ACSF3: variants seen among roughly 807,000 people sequenced by gnomAD.
ACSF3 encodes acyl-CoA synthetase family member 3, also known as malonate--CoA ligase ACSF3, mitochondrial.
ACSF3 carries 78 observed loss-of-function variants against 53.2 expected under a neutral mutation model. That is an observed-to-expected ratio of 1.47 (90% CI 1.22 to 1.77). The LOEUF is 1.77. Among genes scored for constraint, ACSF3 ranks in the 40% most tolerant of loss-of-function variants. ACSF3 has a pLI of 0.00. For missense variants in ACSF3, 937 were observed against 771.1 expected (o/e 1.22, Z -2.55); for synonymous variants, 414 against 333.1 (o/e 1.24, Z -2.65).
intron 10 of ACSF3, chr16:89,150,737 C>A (rs1462057560): frequency 2.9e-6 from 1 of 344,134 alleles, no homozygotes; most frequent in Non-Finnish European, 5.7e-6. Flanking sequence ...CTCCGCCAGT[C>A]CTGCAGGAGC....
chr16:89,114,296 C>G, intron 5 of ACSF3, 43 bp from the exon 6 acceptor site: 1 of 1,612,378 alleles, frequency 6.2e-7, no homozygotes, highest in Non-Finnish European at 8.5e-7. Flanking sequence ...ACGCGAGAGC[C>G]ACGTCCCAAG....
Position 89,100,399 on chromosome 16 carries a change from A to G in ACSF3, c.-20-263A>G, listed in dbSNP as rs12449019. ...GCTTCTCCTTGGTTTTACCTAGTTT[A>G]TTTCATTGTTTAGAATTTTGTGTGG... On this transcript the variant is annotated intron_variant, in intron 2 of 10. Coordinates refer to ENST00000614302, the MANE Select transcript of ACSF3 (RefSeq NM_001243279.3). Among the ~76,000 whole-genome samples the G allele has an allele frequency of 0.72, 108,997 of 152,236 alleles. 39,700 individuals carry two copies. The highest frequency in any genetic ancestry group is 0.78 in the Non-Finnish European group (53,376 of 68,016).
At chr16:89,138,600 G>A in intron 8 of ACSF3, among the ~76,000 whole-genome samples, 1 of 152,246 alleles carries the variant, frequency 6.6e-6, no homozygotes, top group East Asian at 1.9e-4. Context: ...CAGCCAGGCT[G>A]TGCTGTGAAG....
At chr16:89,126,247 T>C (rs1486685440) in intron 7 of ACSF3, among the ~76,000 whole-genome samples, 1 of 152,170 alleles carries the variant, frequency 6.6e-6, no homozygotes, top group African/African-American at 2.4e-5. Context: ...CTATTGTAAG[T>C]ATGGCAGGTG....
chr16:89,101,872 GTGTAC>G (rs1386515681), intron 3 of ACSF3, among the ~76,000 whole-genome samples: 1 of 152,258 alleles, frequency 6.6e-6, no homozygotes, highest in Non-Finnish European at 1.5e-5. Flanking sequence ...AAGGCAGGAA[GTGTAC>G]CCCACGGAGT....
intron 8 of ACSF3, among the ~76,000 whole-genome samples, chr16:89,133,952 G>A (rs1446783213): frequency 6.6e-6 from 1 of 152,168 alleles, no homozygotes; most frequent in African/African-American, 2.4e-5. Context: ...CCCTGAGCCT[G>A]CCCTGAGCTG....
At chr16:89,109,661 C>T (rs1367785378) in intron 4 of ACSF3, among the ~76,000 whole-genome samples, 1 of 152,164 alleles carries the variant, frequency 6.6e-6, no homozygotes, top group Non-Finnish European at 1.5e-5. Flanking sequence ...ACCTGCCTGC[C>T]TCAGCCTCCC....
At chr16:89,116,820 C>T (rs2151463404) in intron 6 of ACSF3, among the ~76,000 whole-genome samples, 1 of 152,354 alleles carries the variant, frequency 6.6e-6, no homozygotes, top group African/African-American at 2.4e-5. Context: ...ACCTCCACCT[C>T]CGTCAGTGCT....
chr16:89,127,620 C>A (rs1908412393), intron 7 of ACSF3, among the ~76,000 whole-genome samples: 2 of 152,144 alleles, frequency 1.3e-5, no homozygotes, highest in African/African-American at 4.8e-5. Context: ...TCCCTCCTCG[C>A]CTCCCAAAGT....
At chr16:89,138,261 G>A (rs1911030066) in intron 8 of ACSF3, among the ~76,000 whole-genome samples, 1 of 152,220 alleles carries the variant, frequency 6.6e-6, no homozygotes, top group African/African-American at 2.4e-5. Context: ...GAGGTCAGGT[G>A]GGGGCACCTG....
At chr16:89,154,007 C>T (rs1034424307) in intron 10 of ACSF3, 83 bp from the exon 11 acceptor site, 3 of 1,429,740 alleles carry the variant, frequency 2.1e-6, no homozygotes, top group Non-Finnish European at 2.9e-6. Flanking sequence ...CCCAGGGGCA[C>T]CTGTCCGTAC....
intron 3 of ACSF3, among the ~76,000 whole-genome samples, chr16:89,101,606 G>A (rs756447737): frequency 5.3e-5 from 8 of 152,142 alleles, no homozygotes; most frequent in Non-Finnish European, 5.9e-5. Flanking sequence ...AGGACCATGC[G>A]GCATGAGGTC....
At chr16:89,098,808 G>C (rs759095896) in intron 2 of ACSF3, 45 bp downstream of exon 2, 3 of 454,068 alleles carry the variant, frequency 6.6e-6, no homozygotes, top group South Asian at 4.7e-5. Context: ...GTGCGAACAA[G>C]TGGTTGCCTT....
chr16:89,156,063 G>T lies in ACSF3; in HGVS notation c.*1856G>T, dbSNP rs1914671167. Among the ~76,000 whole-genome samples, 1 of 152,130 alleles carries T rather than the reference G, an allele frequency of 6.6e-6. No homozygotes were observed. Among genetic ancestry groups the T allele is most frequent in the South Asian group, 2.1e-4 (1 of 4,836 alleles). ...GTTGAATGCCGTGTTCTAAAGTCACGAGTGACTCTCCAGCTGGTCCCTGTG... is the reference window on the plus strand; with the variant it reads ...GTTGAATGCCGTGTTCTAAAGTCACTAGTGACTCTCCAGCTGGTCCCTGTG... On this transcript the variant is annotated 3_prime_UTR_variant, in exon 11 of 11. Coordinates refer to ENST00000614302, the MANE Select transcript of ACSF3 (RefSeq NM_001243279.3).
At position 89,154,581 on chromosome 16, in the gene ACSF3, G is replaced by A. The variant is rs1435140797; in HGVS notation, c.*374G>A. 2.2e-6 allele frequency: 1 copy of A among 461,004 alleles called. No homozygotes were observed. The highest frequency in any genetic ancestry group is 1.6e-5 in the South Asian group (1 of 64,508). 28.6% of individuals were successfully genotyped at this position (461,004 alleles called of 1,614,324 possible). A position where few individuals can be genotyped will look rare whatever the true frequency, so the allele number is the denominator to read the frequency against. ...CACAAAAAACAAAGACTCCACTGGA[G>A]GAAACAAGCCCCTGTCCCACGCCGT... On this transcript the variant is annotated 3_prime_UTR_variant, in exon 11 of 11. Coordinates refer to ENST00000614302, the MANE Select transcript of ACSF3 (RefSeq NM_001243279.3).
At chr16:89,131,274 G>C (rs55889568) in intron 7 of ACSF3, among the ~76,000 whole-genome samples, 7,839 of 150,902 alleles carry the variant, frequency 0.052, 257 homozygotes, top group East Asian at 0.14. Context: ...TACAAGCACT[G>C]ACCACCACAC....
chr16:89,140,966 C>T, intron 8 of ACSF3: 4 of 907,504 alleles, frequency 4.4e-6, no homozygotes, highest in Non-Finnish European at 4.5e-6. Flanking sequence ...ACATACACAG[C>T]CCATTGGCAG....
At chr16:89,106,832 G>C (rs1976044856) in intron 4 of ACSF3, among the ~76,000 whole-genome samples, 2 of 152,246 alleles carry the variant, frequency 1.3e-5, no homozygotes, top group Admixed American at 1.3e-4. Flanking sequence ...GTGTCTTCAA[G>C]TCATCCTGCA....
At chr16:89,148,438 C>T (rs1913513401) in intron 10 of ACSF3, 1 of 152,172 alleles carries the variant, frequency 6.6e-6, no homozygotes, top group East Asian at 1.9e-4. Flanking sequence ...TCCTAAGACC[C>T]ATGTCTCACA....
Sources: allele counts gnomAD v4.1 joint callset (sites outside exome capture counted in the v4.1 genomes callset), GRCh38; gene constraint gnomAD v4.1.1; transcripts MANE v1.5; gene names NCBI Gene and HGNC (gene_info 2026-07-23, HGNC 2026-07-21).